PSMA1: variants seen among roughly 807,000 people sequenced by gnomAD.
The protein encoded by PSMA1 is proteasome 20S subunit alpha 1, also known as proteasome subunit alpha type-1.
PSMA1 carries 3 observed loss-of-function variants against 38.4 expected under a neutral mutation model. The observed-to-expected ratio is 0.08, with a 90% CI of 0.04 to 0.20. The LOEUF is 0.20. Among genes scored for constraint, PSMA1 ranks in the 10% least tolerant of loss-of-function variants. The pLI is 1.00. For synonymous variants in PSMA1, 101 were observed against 107.1 expected (o/e 0.94, Z 0.35); for missense variants, 227 against 325.3 (o/e 0.70, Z 2.32).
At chr11:14,626,968 C>T (rs915721229) in intron 1 of PSMA1, among the ~76,000 whole-genome samples, 8 of 152,140 alleles carry the variant, frequency 5.3e-5, no homozygotes, top group Admixed American at 1.3e-4. Flanking sequence ...AGTTCAAGAT[C>T]AAGGTGCTGG....
At chr11:14,555,930 A>G (rs777581802) in intron 2 of PSMA1, among the ~76,000 whole-genome samples, 3 of 152,228 alleles carry the variant, frequency 2.0e-5, no homozygotes, top group Non-Finnish European at 4.4e-5. Context: ...GCCCTCTAAC[A>G]GAATTATAAA....
intron 2 of PSMA1, among the ~76,000 whole-genome samples, chr11:14,556,819 A>T (rs368946946): frequency 1.3e-3 from 200 of 152,246 alleles, no homozygotes; most frequent in South Asian, 6.2e-3. Flanking sequence ...TTTTCTCCAT[A>T]GAATGTTTTT....
Position 14,513,714 on chromosome 11 carries a change from A to G in PSMA1, c.415-15T>C. 6.4e-7 allele frequency: 1 copy of G among 1,565,806 alleles called. No homozygotes were observed. Reference sequence around the variant, plus strand: ...GGGCCCATATCCTACAAATAGAAATAAATACACCACATAATTATTTACTTT... The same window carrying G: ...GGGCCCATATCCTACAAATAGAAATGAATACACCACATAATTATTTACTTT... On this transcript the variant is annotated splice_polypyrimidine_tract_variant and intron_variant, in intron 6 of 9. Transcript: ENST00000396394.
intron 2 of PSMA1, among the ~76,000 whole-genome samples, chr11:14,536,091 T>C (rs1042126028): frequency 6.6e-6 from 1 of 152,202 alleles, no homozygotes; most frequent in African/African-American, 2.4e-5. Context: ...AAGGTAATAG[T>C]GAAAAGCACA....
At chr11:14,618,103 C>G (rs1852798636) in intron 1 of PSMA1, among the ~76,000 whole-genome samples, 1 of 152,154 alleles carries the variant, frequency 6.6e-6, no homozygotes, top group African/African-American at 2.4e-5. Flanking sequence ...CTATGGCCTC[C>G]TTTTCCATTT....
intron 1 of PSMA1, among the ~76,000 whole-genome samples, chr11:14,616,813 T>G (rs777905552): frequency 1.4e-4 from 22 of 152,130 alleles, no homozygotes; most frequent in African/African-American, 3.1e-4. Context: ...TCATGGCTAT[T>G]ATTAAGTAGC....
Position 14,578,084 on chromosome 11 carries a change from G to A in PSMA1, c.21+32882C>T, listed in dbSNP as rs191756620. Among the ~76,000 whole-genome samples, 1,516 of 152,054 alleles carry A rather than the reference G, an allele frequency of 1.0e-2. 11 individuals carry two copies. The highest frequency in any genetic ancestry group is 0.017 in the Non-Finnish European group (1,155 of 67,978). ...CACCGGGGCCTGTTGGGGGGTTGGG[G>A]GCTAGGGGAGGGATAGCATTAGGAG... is the stretch of plus-strand genomic sequence containing the variant. On this transcript the variant is annotated intron_variant, in intron 2 of 10. Coordinates refer to the PSMA1 transcript ENST00000418988.
At chr11:14,563,974 T>C (rs538566860) in intron 2 of PSMA1, among the ~76,000 whole-genome samples, 4 of 152,364 alleles carry the variant, frequency 2.6e-5, no homozygotes, top group African/African-American at 9.6e-5. Flanking sequence ...GAGAAAGATT[T>C]TTAATTAAAC....
upstream of PSMA1, among the ~76,000 whole-genome samples, chr11:14,521,334 T>TA (rs3053227): frequency 1.3e-4 from 19 of 144,172 alleles, no homozygotes; most frequent in South Asian, 4.3e-4. Flanking sequence ...ATAAGAATAA[T>TA]AAAAAAAAAA....
chr11:14,596,034 G>T (rs964389294), intron 2 of PSMA1, among the ~76,000 whole-genome samples: 1 of 152,148 alleles, frequency 6.6e-6, no homozygotes, highest in Non-Finnish European at 1.5e-5. Flanking sequence ...TGTCAGGTTT[G>T]TCAAAGATCA....
At chr11:14,600,358 A>T (rs1852564896) in intron 2 of PSMA1, among the ~76,000 whole-genome samples, 1 of 152,174 alleles carries the variant, frequency 6.6e-6, no homozygotes, top group Non-Finnish European at 1.5e-5. Flanking sequence ...ACAGAGGTGA[A>T]GTCTAGAGGC....
At chr11:14,518,103 A>C in intron 2 of PSMA1, 122 bp from the exon 3 acceptor site, 1 of 694,858 alleles carries the variant, frequency 1.4e-6, no homozygotes, top group Non-Finnish European at 2.3e-6. Flanking sequence ...TAATCAAGAG[A>C]CCTTTTTTTT....
At chr11:14,604,088 G>A (rs181191251) in intron 2 of PSMA1, among the ~76,000 whole-genome samples, 2 of 152,170 alleles carry the variant, frequency 1.3e-5, no homozygotes, top group Non-Finnish European at 2.9e-5. Context: ...CCAGTAAGCT[G>A]AGAGAGGTAG....
Position 14,514,473 on chromosome 11 carries a change from C to A in PSMA1, c.273G>T (p.Glu91Asp). 6.4e-7 allele frequency: 1 copy of A among 1,570,166 alleles called. No individual in the cohort carries two copies. Among genetic ancestry groups the A allele is most frequent in the Admixed American group, 2.1e-5 (1 of 48,466 alleles). ...CGAATACAAATCTGGAATCCAAACA[C>A]TCCTGACGCATAAAATTACTAAAAA... ...ARLLCNFMRQ[E>D]CLDSRFVFDR... The change falls in exon 5 of 10, where the codon GAG becomes GAT. Residue 91 changes from glutamate to aspartate, a missense_variant. Coordinates refer to ENST00000396394, the MANE Select transcript of PSMA1 (RefSeq NM_002786.4).
rs113836238 is a variant in PSMA1 at position 14,569,951 on chromosome 11, C to A, written c.21+41015G>T. Among the ~76,000 whole-genome samples the A allele has an allele frequency of 7.0e-3, 1,059 of 152,352 alleles. 9 individuals carry two copies. Among genetic ancestry groups the A allele is most frequent in the African/African-American group, 0.024 (1,013 of 41,580 alleles). ...ACCCCCAAGTAGCCTAACTTGGAGA[C>A]AACTCCCAGTAGGGGCCAACTGACA... On this transcript the variant is annotated intron_variant, in intron 2 of 10. Coordinates refer to the PSMA1 transcript ENST00000418988.
At chr11:14,637,982 T>C (rs922403147) in intron 1 of PSMA1, among the ~76,000 whole-genome samples, 4 of 152,222 alleles carry the variant, frequency 2.6e-5, no homozygotes, top group African/African-American at 7.2e-5. Context: ...AAAGGATAGA[T>C]GTAAGAAAAA....
chr11:14,640,343 G>C (rs1202058342), intron 1 of PSMA1, among the ~76,000 whole-genome samples: 1 of 152,150 alleles, frequency 6.6e-6, no homozygotes, highest in Non-Finnish European at 1.5e-5. Flanking sequence ...AGAAGAAAAT[G>C]ATTTTCTTCT....
chr11:14,637,322 GT>G (rs1853122554), intron 1 of PSMA1, among the ~76,000 whole-genome samples: 2 of 152,228 alleles, frequency 1.3e-5, no homozygotes, highest in Middle Eastern at 3.4e-3. Context: ...CAATACCTAG[GT>G]TAGTATCTCT....
At chr11:14,533,914 C>T (rs1565038645) in intron 2 of PSMA1, among the ~76,000 whole-genome samples, 1 of 152,114 alleles carries the variant, frequency 6.6e-6, no homozygotes, top group Non-Finnish European at 1.5e-5. Flanking sequence ...GGCGCAGTGG[C>T]TCATGCCTGT....
Sources: gnomAD v4.1 joint callset for allele counts (sites outside exome capture counted in the v4.1 genomes callset) on GRCh38, gnomAD v4.1.1 for gene constraint, MANE v1.5 for transcripts, NCBI Gene and HGNC (gene_info 2026-07-23, HGNC 2026-07-21) for gene names.